IMPA2: variants seen among roughly 807,000 people sequenced by gnomAD.
IMPA2 encodes inositol monophosphatase 2.
IMPA2 carries 32 observed loss-of-function variants against 35.1 expected under a neutral mutation model. The ratio of observed to expected loss-of-function variants is 0.91; its 90% CI spans 0.69 to 1.23. The LOEUF (loss-of-function observed/expected upper bound fraction) is 1.23. IMPA2 is among the 50% of genes most tolerant of loss of function. IMPA2 has a pLI of 0.00. For missense variants in IMPA2, 334 were observed against 387.6 expected (o/e 0.86, Z 1.16); for synonymous variants, 135 against 160.6 (o/e 0.84, Z 1.20).
At chr18:12,027,567 ATTTTTTTTT>A (rs138876745) in intron 5 of IMPA2, among the ~76,000 whole-genome samples, 9 of 90,980 alleles carry the variant, frequency 9.9e-5, no homozygotes, top group Non-Finnish European at 1.6e-4. Flanking sequence ...AATGATGGTG[ATTTTTTTTT>A]TTTTTTTTTT....
In IMPA2 at chr18:12,003,664, AGAAAAG is replaced by A. The variant is rs761469958; in HGVS notation, c.230+4483_230+4488del. Reference sequence around the variant, plus strand: ...AGACTCCATCTTAAAAAAAAAAAAAAGAAAAGGAAAAAAAAAAAAAAAGGCAGCATG... The same window carrying A: ...AGACTCCATCTTAAAAAAAAAAAAAAGAAAAAAAAAAAAAAAGGCAGCATG... On this transcript the variant is annotated intron_variant, in intron 2 of 7. Transcript: ENST00000269159. Among the ~76,000 whole-genome samples the A allele has an allele frequency of 5.6e-5, 4 of 71,168 alleles. No homozygotes were observed. The South Asian group carries it at 2.4e-3, about 43-fold the overall frequency. 46.7% of individuals were successfully genotyped at this position (71,168 alleles called of 152,430 possible).
Position 12,006,520 on chromosome 18 carries a change from A to G in IMPA2, c.231-3363A>G, listed in dbSNP as rs541902553. On this transcript the variant is annotated intron_variant, in intron 2 of 7. Transcript: ENST00000269159. Reference sequence around the variant, plus strand: ...CAGACTGAGCCTGCCCAGGCTCTCCAGGAACAGCTGATGATTCCTTGGGTG... The same window carrying G: ...CAGACTGAGCCTGCCCAGGCTCTCCGGGAACAGCTGATGATTCCTTGGGTG... Among the ~76,000 whole-genome samples the G allele has an allele frequency of 9.8e-5, 15 of 152,346 alleles. No individual in the cohort carries two copies. In the South Asian group the frequency reaches 2.9e-3, roughly 29 times the overall value.
At chr18:11,984,890 C>T (rs564004120) in intron 1 of IMPA2, among the ~76,000 whole-genome samples, 4 of 151,516 alleles carry the variant, frequency 2.6e-5, no homozygotes, top group African/African-American at 7.3e-5. Flanking sequence ...ATGGCGTGAA[C>T]CCGGGAGGCG....
In IMPA2 at chr18:11,990,206, C is replaced by A. The variant is rs538865919; in HGVS notation, c.96+8441C>A. Among the ~76,000 whole-genome samples the A allele has an allele frequency of 2.7e-4, 41 of 152,258 alleles. No homozygotes were observed. The South Asian group carries it at 8.5e-3, about 32-fold the overall frequency. ...CTGCAGGAGGCCTTCTGCAGGCTGGCGCCCTGCCCCTGGGCTCACCTTTCA... is the reference window on the plus strand; with the variant it reads ...CTGCAGGAGGCCTTCTGCAGGCTGGAGCCCTGCCCCTGGGCTCACCTTTCA... On this transcript the variant is annotated intron_variant, in intron 1 of 7. Transcript: ENST00000269159.
At chr18:12,029,029 A>G (rs1235685284) in intron 7 of IMPA2, 36 bp downstream of exon 7, 2 of 1,601,288 alleles carry the variant, frequency 1.2e-6, no homozygotes, top group Non-Finnish European at 8.5e-7. Context: ...AGCGGCAGAA[A>G]CTAGACTGAG....
chr18:12,019,999 CT>C (rs1273860991), intron 5 of IMPA2, among the ~76,000 whole-genome samples: 2 of 152,106 alleles, frequency 1.3e-5, no homozygotes, highest in African/African-American at 4.8e-5. Context: ...CCTCAGTCTC[CT>C]GAGTAGCTAG....
At chr18:11,981,857 C>A in intron 1 of IMPA2, 92 bp downstream of exon 1, 2 of 875,188 alleles carry the variant, frequency 2.3e-6, no homozygotes, top group Non-Finnish European at 3.0e-6. Context: ...TGGCGCGCAG[C>A]CGGCGGGCGC....
intron 5 of IMPA2, among the ~76,000 whole-genome samples, chr18:12,020,122 C>T (rs1447680396): frequency 3.9e-5 from 6 of 152,076 alleles, no homozygotes; most frequent in South Asian, 2.1e-4. Context: ...GTGATCCACA[C>T]GCTTCGGCCT....
At chr18:11,989,508 T>C (rs577162627) in intron 1 of IMPA2, among the ~76,000 whole-genome samples, 2 of 152,326 alleles carry the variant, frequency 1.3e-5, no homozygotes, top group South Asian at 2.1e-4. Flanking sequence ...GTAGCAGCTG[T>C]CCCTTTGGTG....
At chr18:12,015,144 A>G (rs891847698) in intron 5 of IMPA2, among the ~76,000 whole-genome samples, 4 of 152,154 alleles carry the variant, frequency 2.6e-5, no homozygotes, top group African/African-American at 9.7e-5. Context: ...AAGCTCCATA[A>G]TACCTGCATG....
At chr18:12,020,442 C>T (rs1200944055) in intron 5 of IMPA2, among the ~76,000 whole-genome samples, 1 of 152,236 alleles carries the variant, frequency 6.6e-6, no homozygotes, top group Non-Finnish European at 1.5e-5. Context: ...ATCTGCCCGC[C>T]TCGGCCTCCC....
At chr18:12,028,722 G>T in intron 6 of IMPA2, 120 bp from the exon 7 acceptor site, 1 of 1,160,670 alleles carries the variant, frequency 8.6e-7, no homozygotes, top group Non-Finnish European at 1.2e-6. Context: ...TGGCAGAAGT[G>T]CTGTGCTTCA....
chr18:11,981,710 G>GC lies in IMPA2; in HGVS notation c.45dup (p.Trp16LeufsTer25). ...GAGGACCAGGCGGCGCTGGCGGCCG[G>GC]CCCCTGGGAGGAGTGCTTCCAGGCG... On this transcript the variant is annotated frameshift_variant, in exon 1 of 8. Transcript: ENST00000269159. LOFTEE classifies it high-confidence loss of function. 8.1e-7 allele frequency: 1 copy of GC among 1,230,472 alleles called. No individual in the cohort carries two copies. Among genetic ancestry groups the GC allele is most frequent in the Non-Finnish European group, 1.0e-6 (1 of 986,956 alleles). The allele number at this position is 1,230,472 out of a possible 1,614,324, so 76.2% of individuals were successfully genotyped here.
chr18:11,983,951 G>A (rs1388592593), intron 1 of IMPA2, among the ~76,000 whole-genome samples: 2 of 152,168 alleles, frequency 1.3e-5, no homozygotes, highest in African/African-American at 4.8e-5. Context: ...CCTTAGTGAA[G>A]AGCATGTTGG....
At chr18:12,015,533 G>A (rs191117421) in intron 5 of IMPA2, among the ~76,000 whole-genome samples, 1 of 152,318 alleles carries the variant, frequency 6.6e-6, no homozygotes, top group East Asian at 1.9e-4. Context: ...GCCACTGTGT[G>A]AGGGACACGA....
At chr18:11,986,495 T>C (rs1906669979) in intron 1 of IMPA2, among the ~76,000 whole-genome samples, 1 of 152,184 alleles carries the variant, frequency 6.6e-6, no homozygotes. Context: ...CCTTGGAATA[T>C]GAATACTCTT....
At chr18:12,013,896 G>A (rs1045953978) in intron 4 of IMPA2, among the ~76,000 whole-genome samples, 3 of 152,128 alleles carry the variant, frequency 2.0e-5, no homozygotes, top group African/African-American at 7.2e-5. Context: ...TTTCTTGTGG[G>A]GTTTGGTTAG....
intron 2 of IMPA2, among the ~76,000 whole-genome samples, chr18:12,007,588 T>TTTCTTTCTTTCTC (rs1568032748): frequency 1.4e-5 from 2 of 142,442 alleles, no homozygotes; most frequent in Non-Finnish European, 3.0e-5. Context: ...CTTTCTTTTC[T>TTTCTTTCTTTCTC]TTTCTTTCTT....
chr18:12,016,425 C>CTTTTTTTTTTTTTTTTTTTTTTTTTT, intron 5 of IMPA2, among the ~76,000 whole-genome samples: 1 of 132,390 alleles, frequency 7.6e-6, no homozygotes, highest in South Asian at 2.3e-4. Context: ...GATTCTGCCG[C>CTTTTTTTTTTTTTTTTTTTTTTTTTT]TTTTTTTTTT....
Sources: allele counts gnomAD v4.1 joint callset (sites outside exome capture counted in the v4.1 genomes callset), GRCh38; gene constraint gnomAD v4.1.1; transcripts MANE v1.5; gene names NCBI Gene and HGNC (gene_info 2026-07-23, HGNC 2026-07-21).